UNC5C: variants seen among roughly 807,000 people sequenced by gnomAD.
The protein encoded by UNC5C is unc-5 netrin receptor C.
UNC5C carries 47 observed loss-of-function variants against 99.8 expected under a neutral mutation model. That is an observed-to-expected ratio of 0.47 (90% CI 0.37 to 0.60). UNC5C has a LOEUF of 0.60. UNC5C is among the 20% of genes least tolerant of loss of function. UNC5C has a pLI of 0.00. For missense variants in UNC5C, 1,062 were observed against 1,165.9 expected (o/e 0.91, Z 1.30); for synonymous variants, 487 against 452.2 (o/e 1.08, Z -0.98).
chr4:95,371,912 C>T (rs935385257), intron 1 of UNC5C, among the ~76,000 whole-genome samples: 2 of 152,128 alleles, frequency 1.3e-5, no homozygotes, highest in Admixed American at 6.6e-5. Flanking sequence ...TTCTGCATTT[C>T]TTAGTATAGA....
At chr4:95,234,775 G>C (rs72672779) in intron 7 of UNC5C, among the ~76,000 whole-genome samples, 7,184 of 152,168 alleles carry the variant, frequency 0.047, 200 homozygotes, top group Middle Eastern at 0.099. Flanking sequence ...TTTATCCAGT[G>C]TAATACATAT....
In UNC5C at chr4:95,374,649, C is replaced by T. The variant is rs549733310; in HGVS notation, c.125-39018G>A. Among the ~76,000 whole-genome samples, 5 of 152,146 alleles carry T rather than the reference C, an allele frequency of 3.3e-5. No individual in the cohort carries two copies. The South Asian group carries it at 1.0e-3, about 32-fold the overall frequency. ...GAATCTTGACTACCCAAGGCATAAT[C>T]TAGAAGAGAAGGTAGGTGAGGAGGA... On this transcript the variant is annotated intron_variant, in intron 1 of 15. Transcript: ENST00000453304.
intron 2 of UNC5C, among the ~76,000 whole-genome samples, chr4:95,320,469 T>C (rs1742647194): frequency 6.7e-6 from 1 of 150,300 alleles, no homozygotes. Flanking sequence ...TAAAAGAGAC[T>C]CTTCTTAAAC....
chr4:95,445,414 G>A (rs1303538145), intron 1 of UNC5C, among the ~76,000 whole-genome samples: 3 of 151,838 alleles, frequency 2.0e-5, no homozygotes, highest in Non-Finnish European at 4.4e-5. Context: ...TGTTCCGTTC[G>A]GATTCAGCTG....
intron 1 of UNC5C, among the ~76,000 whole-genome samples, chr4:95,344,310 A>G (rs938005319): frequency 6.6e-6 from 1 of 152,150 alleles, no homozygotes; most frequent in Non-Finnish European, 1.5e-5. Context: ...GCTGAAGGAA[A>G]AAAAATCTTC....
At chr4:95,430,739 G>T (rs1400799078) in intron 1 of UNC5C, among the ~76,000 whole-genome samples, 1 of 152,082 alleles carries the variant, frequency 6.6e-6, no homozygotes, top group African/African-American at 2.4e-5. Context: ...ACCCTTGGAA[G>T]GTGCAGTGGA....
At position 95,242,535 on chromosome 4, in the gene UNC5C, G is replaced by A. The variant is rs1322215437; in HGVS notation, c.1002C>T (p.His334=). 2.5e-6 allele frequency: 4 copies of A among 1,611,898 alleles called. No homozygotes were observed. In the Admixed American group the frequency reaches 6.7e-5, roughly 27 times the overall value. ...GCGCCGTGCACTCCCTCCTGCGCCA[G>A]TGGGTGCACTCAGTTCCACAAGTAG... ...KWSTCGTECT[H]WRRRECTAPA... is the part of the protein sequence containing the mutation. The change falls in exon 7 of 16, where the codon CAC becomes CAT. Residue 334 remains histidine, a synonymous_variant. Transcript: ENST00000453304.
chr4:95,181,162 C>T (rs965949392), intron 14 of UNC5C, among the ~76,000 whole-genome samples: 2 of 152,186 alleles, frequency 1.3e-5, no homozygotes, highest in African/African-American at 2.4e-5. Context: ...TCTTCCCCGC[C>T]CTCAGTTAAA....
At chr4:95,472,831 C>T (rs1748015417) in intron 1 of UNC5C, among the ~76,000 whole-genome samples, 1 of 151,818 alleles carries the variant, frequency 6.6e-6, no homozygotes, top group Admixed American at 6.6e-5. Context: ...AGCACAGAGC[C>T]TCCATTAAAA....
chr4:95,340,660 A>G (rs1743534698), intron 1 of UNC5C, among the ~76,000 whole-genome samples: 1 of 152,128 alleles, frequency 6.6e-6, no homozygotes, highest in Non-Finnish European at 1.5e-5. Flanking sequence ...ACTTCAAAAC[A>G]AACTTTTTTT....
intron 2 of UNC5C, among the ~76,000 whole-genome samples, chr4:95,302,519 C>A (rs765846150): frequency 2.6e-5 from 4 of 152,152 alleles, no homozygotes; most frequent in African/African-American, 4.8e-5. Flanking sequence ...TTCAGACATT[C>A]ATTCTTCAAT....
At chr4:95,269,709 C>A (rs1378172861) in intron 4 of UNC5C, among the ~76,000 whole-genome samples, 1 of 150,452 alleles carries the variant, frequency 6.6e-6, no homozygotes, top group South Asian at 2.1e-4. Flanking sequence ...AAGGCCTTGA[C>A]AATTTTTTTT....
chr4:95,343,255 G>A (rs745369312), intron 1 of UNC5C, among the ~76,000 whole-genome samples: 2 of 152,100 alleles, frequency 1.3e-5, no homozygotes, highest in African/African-American at 2.4e-5. Context: ...CCCAGTGTTG[G>A]GTAGAGACAG....
intron 12 of UNC5C, among the ~76,000 whole-genome samples, chr4:95,187,481 A>G (rs939500241): frequency 6.6e-6 from 1 of 152,200 alleles, no homozygotes; most frequent in Non-Finnish European, 1.5e-5. Flanking sequence ...CTGCCAGAGG[A>G]TATGAAGAGC....
At chr4:95,527,062 A>G (rs948515490) in intron 1 of UNC5C, among the ~76,000 whole-genome samples, 3 of 152,036 alleles carry the variant, frequency 2.0e-5, no homozygotes, top group African/African-American at 7.2e-5. Flanking sequence ...ATCAAACGCA[A>G]AACTCTGTAT....
intron 1 of UNC5C, among the ~76,000 whole-genome samples, chr4:95,497,057 G>A (rs143828095): frequency 6.1e-4 from 93 of 151,828 alleles, no homozygotes; most frequent in African/African-American, 2.0e-3. Flanking sequence ...TACATACCAC[G>A]TTTTCTTTAT....
In UNC5C at chr4:95,220,909, C is replaced by T. The variant is rs376871728; in HGVS notation, c.1109-733G>A. On this transcript the variant is annotated intron_variant, in intron 7 of 15. Transcript: ENST00000453304. ...AGATTTACATTTGAGCTACTCATTA[C>T]TAGAATAAAATATAGCTCTCTTGTG... is the stretch of plus-strand genomic sequence containing the variant. Among the ~76,000 whole-genome samples the T allele has an allele frequency of 7.9e-5, 12 of 152,256 alleles. No homozygotes were observed. In the East Asian group the frequency reaches 1.7e-3, roughly 22 times the overall value.
intron 1 of UNC5C, among the ~76,000 whole-genome samples, chr4:95,475,402 C>G (rs1748112272): frequency 6.6e-6 from 1 of 151,852 alleles, no homozygotes; most frequent in Non-Finnish European, 1.5e-5. Flanking sequence ...TAATAACACC[C>G]AATTTTTAAA....
chr4:95,293,267 A>ATGT (rs1741548648), intron 3 of UNC5C, among the ~76,000 whole-genome samples: 1 of 97,066 alleles, frequency 1.0e-5, no homozygotes, highest in Non-Finnish European at 2.2e-5. Context: ...AGGTCTGTTT[A>ATGT]TGTTTCTGTA....
Sources: gnomAD v4.1 joint callset for allele counts (sites outside exome capture counted in the v4.1 genomes callset) on GRCh38, gnomAD v4.1.1 for gene constraint, MANE v1.5 for transcripts, NCBI Gene and HGNC (gene_info 2026-07-23, HGNC 2026-07-21) for gene names.